The following CFAP221 variants were observed in gnomAD, a reference collection of about 807,000 sequenced individuals.
The protein encoded by CFAP221 is cilia and flagella associated protein 221, also known as cilia- and flagella-associated protein 221.
CFAP221 carries 97 observed loss-of-function variants against 113.1 expected under a neutral mutation model. The observed-to-expected ratio is 0.86, with a 90% CI of 0.73 to 1.02. CFAP221 has a LOEUF of 1.02. Among genes scored for constraint, CFAP221 ranks in the 50% least tolerant of loss-of-function variants. The probability of loss-of-function intolerance (pLI) is 0.00; values close to 1 mark genes in which losing one functional copy is unlikely to be tolerated. For missense variants in CFAP221, 1,025 were observed against 1,013.4 expected (o/e 1.01, Z -0.16); for synonymous variants, 331 against 354.4 (o/e 0.93, Z 0.74).
At chr2:119,630,061 G>C (rs12711931) in intron 17 of CFAP221, 106 bp downstream of exon 17, 940,523 of 942,692 alleles carry the variant, frequency 1, 469,206 homozygotes, top group East Asian at 1. Context: ...TGGTAGATTA[G>C]ACTGTGTGGC....
chr2:119,560,146 C>T, intron 5 of CFAP221, 120 bp downstream of exon 5: 1 of 770,460 alleles, frequency 1.3e-6, no homozygotes, highest in Non-Finnish European at 2.0e-6. Flanking sequence ...TGGCCCAGTA[C>T]CGGGTGTTCC....
At chr2:119,582,156 T>C (rs977273236) in intron 6 of CFAP221, among the ~76,000 whole-genome samples, 1 of 152,028 alleles carries the variant, frequency 6.6e-6, no homozygotes, top group African/African-American at 2.4e-5. Context: ...AAAAGAAAAT[T>C]TAAAAGGAAT....
intron 3 of CFAP221, among the ~76,000 whole-genome samples, chr2:119,551,523 C>T (rs1680428389): frequency 6.6e-6 from 1 of 152,028 alleles, no homozygotes; most frequent in Admixed American, 6.5e-5. Context: ...TATTTTTTCC[C>T]CATTGAATGG....
intron 6 of CFAP221, among the ~76,000 whole-genome samples, chr2:119,566,555 A>ACC (rs60863720): frequency 2.0e-5 from 3 of 151,728 alleles, no homozygotes; most frequent in Non-Finnish European, 2.9e-5. Flanking sequence ...TAGCATGAGT[A>ACC]CCCCCCCAGC....
chr2:119,582,716 A>G (rs149231431), intron 6 of CFAP221, among the ~76,000 whole-genome samples: 20 of 152,312 alleles, frequency 1.3e-4, no homozygotes, highest in Admixed American at 1.2e-3. Flanking sequence ...TCGGCCTCCC[A>G]AAGTGCTTGG....
intron 12 of CFAP221, 51 bp downstream of exon 12, chr2:119,608,640 A>G: frequency 6.7e-7 from 1 of 1,483,892 alleles, no homozygotes; most frequent in Non-Finnish European, 9.4e-7. Flanking sequence ...ATGTTTTTAA[A>G]TTCCTACTAT....
At chr2:119,581,073 A>T (rs1682818602) in intron 6 of CFAP221, 1 of 152,206 alleles carries the variant, frequency 6.6e-6, no homozygotes, top group Non-Finnish European at 1.5e-5. Flanking sequence ...TGTAGCACTA[A>T]AATAGCTGGC....
At chr2:119,600,577 A>G (rs1042424200) in intron 7 of CFAP221, among the ~76,000 whole-genome samples, 1 of 152,354 alleles carries the variant, frequency 6.6e-6, no homozygotes, top group South Asian at 2.1e-4. Context: ...ATCAATGTAA[A>G]CATGCAGAAG....
chr2:119,577,332 G>T (rs940421705), intron 6 of CFAP221, among the ~76,000 whole-genome samples: 2 of 152,184 alleles, frequency 1.3e-5, no homozygotes, highest in Non-Finnish European at 2.9e-5. Flanking sequence ...TATGAATTTT[G>T]AGGAGACACA....
intron 13 of CFAP221, among the ~76,000 whole-genome samples, chr2:119,612,373 CAGA>C (rs1435298156): frequency 3.9e-5 from 6 of 152,200 alleles, no homozygotes; most frequent in African/African-American, 1.4e-4. Context: ...ACAATCATGG[CAGA>C]AGAAGAAGCA....
chr2:119,616,277 A>G (rs1450603544), intron 14 of CFAP221, among the ~76,000 whole-genome samples: 1 of 152,234 alleles, frequency 6.6e-6, no homozygotes, highest in Non-Finnish European at 1.5e-5. Flanking sequence ...GCATGTATCA[A>G]TACTTCATTC....
chr2:119,599,208 A>G (rs1684198101), intron 7 of CFAP221, among the ~76,000 whole-genome samples: 1 of 152,162 alleles, frequency 6.6e-6, no homozygotes, highest in African/African-American at 2.4e-5. Context: ...TGTGCTGGGG[A>G]TCCAGGAAGA....
At chr2:119,637,498 G>A (rs951368368) in intron 19 of CFAP221, among the ~76,000 whole-genome samples, 3 of 152,122 alleles carry the variant, frequency 2.0e-5, no homozygotes, top group Non-Finnish European at 4.4e-5. Context: ...TTAAAAGTTA[G>A]ACAAACAAAC....
chr2:119,623,074 A>G (rs896382461), intron 14 of CFAP221, among the ~76,000 whole-genome samples: 2 of 152,340 alleles, frequency 1.3e-5, no homozygotes, highest in African/African-American at 4.8e-5. Flanking sequence ...GAGGAAGTCA[A>G]ATTGTCTCTT....
intron 14 of CFAP221, among the ~76,000 whole-genome samples, chr2:119,619,057 GCAT>G (rs1685711620): frequency 6.6e-6 from 1 of 152,224 alleles, no homozygotes; most frequent in Admixed American, 6.5e-5. Flanking sequence ...TCTGGGCAGG[GCAT>G]CTCTGAAAGA....
intron 22 of CFAP221, chr2:119,648,486 G>A: frequency 3.2e-6 from 1 of 308,288 alleles, no homozygotes; most frequent in East Asian, 1.3e-4. Flanking sequence ...CAGAGTCGGG[G>A]TATAGCACAA....
intron 5 of CFAP221, among the ~76,000 whole-genome samples, chr2:119,561,024 CAT>C (rs1391005334): frequency 1.3e-5 from 2 of 151,946 alleles, no homozygotes; most frequent in Admixed American, 6.6e-5. Context: ...CGCGATGGCT[CAT>C]GTGTGTAATC....
intron 14 of CFAP221, among the ~76,000 whole-genome samples, chr2:119,622,117 C>T (rs11683133): frequency 0.98 from 149,617 of 152,258 alleles, 73,580 homozygotes; most frequent in Non-Finnish European, 1. Flanking sequence ...GATAGACTGC[C>T]AGCCGGACTA....
chr2:119,601,663 A>G (rs1204880294), intron 8 of CFAP221: 1 of 278,266 alleles, frequency 3.6e-6, no homozygotes, highest in Admixed American at 5.1e-5. Flanking sequence ...TTTTTTTACC[A>G]TATGCATGTC....
Sources: gnomAD v4.1 joint callset for allele counts (sites outside exome capture counted in the v4.1 genomes callset) on GRCh38, gnomAD v4.1.1 for gene constraint, MANE v1.5 for transcripts, NCBI Gene and HGNC (gene_info 2026-07-23, HGNC 2026-07-21) for gene names.